TAF3: variants seen among roughly 807,000 people sequenced by gnomAD.
TAF3 encodes transcription initiation factor TFIID subunit 3.
TAF3 carries 7 observed loss-of-function variants against 80.6 expected under a neutral mutation model. The ratio of observed to expected loss-of-function variants is 0.09; its 90% confidence interval spans 0.05 to 0.16. TAF3 has a LOEUF of 0.16. Among genes scored for constraint, TAF3 ranks in the 10% least tolerant of loss-of-function variants. TAF3 has a pLI of 1.00. For missense variants in TAF3, 921 were observed against 1,140.2 expected (o/e 0.81, Z 2.77); for synonymous variants, 444 against 446.1 (o/e 1.00, Z 0.06).
At chr10:7,949,550 C>CTT in intron 2 of TAF3, among the ~76,000 whole-genome samples, 1 of 152,298 alleles carries the variant, frequency 6.6e-6, no homozygotes, top group East Asian at 1.9e-4. Context: ...TTTCATGTTG[C>CTT]TTTAATAACT....
intron 2 of TAF3, among the ~76,000 whole-genome samples, chr10:7,921,422 T>G (rs1467960589): frequency 6.6e-6 from 1 of 152,156 alleles, no homozygotes; most frequent in African/African-American, 2.4e-5. Flanking sequence ...TCAACTTTCT[T>G]TGATACCTCC....
At chr10:7,827,109 C>T (rs909079343) in intron 2 of TAF3, among the ~76,000 whole-genome samples, 6 of 152,178 alleles carry the variant, frequency 3.9e-5, no homozygotes, top group African/African-American at 1.4e-4. Flanking sequence ...CCCTCCACAG[C>T]AGCTGGAGCT....
intron 3 of TAF3, among the ~76,000 whole-genome samples, chr10:7,970,806 C>T (rs74230014): frequency 1.3e-5 from 2 of 152,138 alleles, no homozygotes; most frequent in East Asian, 3.8e-4. Context: ...ACGGTTTGTT[C>T]TTTAGAGAAT....
chr10:7,837,337 T>C (rs1448851500), intron 2 of TAF3, among the ~76,000 whole-genome samples: 1 of 111,730 alleles, frequency 9.0e-6, no homozygotes, highest in Non-Finnish European at 2.0e-5. Context: ...TGCTCCAGTC[T>C]GGGCAAAAAA....
chr10:7,897,658 C>T (rs867229806), intron 2 of TAF3, among the ~76,000 whole-genome samples: 19 of 150,706 alleles, frequency 1.3e-4, no homozygotes, highest in African/African-American at 3.9e-4. Flanking sequence ...CTCTCTCTCT[C>T]TCTTTCTTTC....
intron 4 of TAF3, among the ~76,000 whole-genome samples, chr10:8,005,830 T>G (rs1831985650): frequency 6.6e-6 from 1 of 152,224 alleles, no homozygotes; most frequent in African/African-American, 2.4e-5. Context: ...ATGCCTTTTA[T>G]GTAAGGCAAA....
intron 2 of TAF3, among the ~76,000 whole-genome samples, chr10:7,842,184 T>G (rs1181848975): frequency 1.5e-5 from 2 of 134,582 alleles, no homozygotes; most frequent in African/African-American, 2.8e-5. Context: ...TTGTTTTTTT[T>G]TTTTTTTGAG....
chr10:7,827,445 G>A (rs1207784032), intron 2 of TAF3, among the ~76,000 whole-genome samples: 1 of 152,046 alleles, frequency 6.6e-6, no homozygotes, highest in East Asian at 1.9e-4. Context: ...CCAGGAGTTT[G>A]ATACCAGCCT....
chr10:7,878,154 A>G (rs1008659881), intron 2 of TAF3, among the ~76,000 whole-genome samples: 9 of 152,208 alleles, frequency 5.9e-5, no homozygotes, highest in African/African-American at 2.2e-4. Context: ...ATATAGATGT[A>G]CCCAGGAGCA....
intron 2 of TAF3, among the ~76,000 whole-genome samples, chr10:7,913,504 T>C (rs1837677031): frequency 6.6e-6 from 1 of 152,244 alleles, no homozygotes; most frequent in South Asian, 2.1e-4. Context: ...AACCCATTTA[T>C]TATGCCACAG....
chr10:7,851,508 C>T (rs1837026014), intron 2 of TAF3, among the ~76,000 whole-genome samples: 1 of 149,318 alleles, frequency 6.7e-6, no homozygotes, highest in South Asian at 2.1e-4. Flanking sequence ...GTTAAAACAA[C>T]TTTTTTTTTT....
intron 2 of TAF3, among the ~76,000 whole-genome samples, chr10:7,897,237 G>A (rs938797439): frequency 5.3e-4 from 81 of 152,154 alleles, no homozygotes; most frequent in African/African-American, 1.8e-3. Context: ...CAAAGAGGAC[G>A]GGATCACACT....
Position 7,964,986 on chromosome 10 carries a change from C to T in TAF3, c.1476C>T (p.Ile492=). The change falls in exon 3 of 7, where the codon ATC becomes ATT. Residue 492 remains isoleucine, a synonymous_variant. Coordinates refer to ENST00000344293, the MANE Select transcript of TAF3 (RefSeq NM_031923.4). The surrounding 1 kb of genome is among the most constrained non-coding windows in gnomAD (Gnocchi z 4.1). ...ATATGCCCCCCAACTTTCCTTATAT[C>T]TCTTCTCCGTCAGTGTCTCCTCCCA... ...PSNMPPNFPY[I]SSPSVSPPTP... The T allele has an allele frequency of 1.9e-6, 3 of 1,614,086 alleles. No individual in the cohort carries two copies. The highest frequency in any genetic ancestry group is 2.5e-6 in the Non-Finnish European group (3 of 1,180,026).
In TAF3 at chr10:7,818,659, G is replaced by A. The variant is rs938780231; in HGVS notation, c.-51G>A. 10 of 1,575,396 alleles carry A rather than the reference G, an allele frequency of 6.3e-6. No individual in the cohort carries two copies. Among genetic ancestry groups the A allele is most frequent in the Non-Finnish European group, 8.6e-6 (10 of 1,165,216 alleles). On this transcript the variant is annotated 5_prime_UTR_variant, in exon 1 of 7. Coordinates refer to ENST00000344293, the MANE Select transcript of TAF3 (RefSeq NM_031923.4). ...GGGGACCCTGCTAAGGTCTGGCGGC[G>A]GGGCTGGAGAGCAGTGGCAGCAAGG...
chr10:7,823,534 A>G (rs1173487269), intron 1 of TAF3, among the ~76,000 whole-genome samples: 1 of 151,884 alleles, frequency 6.6e-6, no homozygotes, highest in African/African-American at 2.4e-5. Context: ...TACTCAGGAG[A>G]CTGAGAGGGG....
intron 2 of TAF3, among the ~76,000 whole-genome samples, chr10:7,948,970 G>A (rs1838053937): frequency 1.3e-5 from 2 of 152,222 alleles, no homozygotes; most frequent in Admixed American, 1.3e-4. Context: ...TCCTCAGAGG[G>A]ACTGACGCGC....
At chr10:7,833,864 GA>G in intron 2 of TAF3, 1 of 835,096 alleles carries the variant, frequency 1.2e-6, no homozygotes, top group Non-Finnish European at 1.6e-6. Context: ...GCTTCCTGGG[GA>G]AGAGGATGAG....
intron 2 of TAF3, among the ~76,000 whole-genome samples, chr10:7,909,093 G>T (rs111601718): frequency 2.6e-5 from 4 of 152,364 alleles, no homozygotes; most frequent in African/African-American, 9.6e-5. Context: ...TCCCGTGGAG[G>T]CCTGCCAGGG....
chr10:7,947,596 T>C (rs1277107050), intron 2 of TAF3, among the ~76,000 whole-genome samples: 1 of 152,156 alleles, frequency 6.6e-6, no homozygotes, highest in East Asian at 1.9e-4. Context: ...GAAGCAGCCG[T>C]GAGCCGACCT....
Sources: allele counts gnomAD v4.1 joint callset (sites outside exome capture counted in the v4.1 genomes callset), GRCh38; gene constraint gnomAD v4.1.1; non-coding constraint Gnocchi (gnomAD v3.1); transcripts MANE v1.5; gene names NCBI Gene and HGNC (gene_info 2026-07-23, HGNC 2026-07-21).